ANKS1B: variants seen among roughly 807,000 people sequenced by gnomAD.
ANKS1B encodes ankyrin repeat and sterile alpha motif domain containing 1B.
In ANKS1B, 36 loss-of-function variants were observed where a neutral mutation model predicts 148.3. The observed-to-expected ratio is 0.24, with a 90% CI of 0.19 to 0.32. ANKS1B has a LOEUF of 0.32. Among genes scored for constraint, ANKS1B ranks in the 10% least tolerant of loss-of-function variants. The pLI is 1.00. For synonymous variants in ANKS1B, 542 were observed against 560.8 expected (o/e 0.97, Z 0.47); for missense variants, 1,157 against 1,542.6 (o/e 0.75, Z 4.19).
intron 1 of ANKS1B, among the ~76,000 whole-genome samples, chr12:99,979,285 A>G (rs1008501046): frequency 6.6e-6 from 1 of 152,134 alleles, no homozygotes; most frequent in South Asian, 2.1e-4. Context: ...GAAAAATGCT[A>G]ATGTCCTTTT....
chr12:99,237,514 T>C, intron 14 of ANKS1B, among the ~76,000 whole-genome samples: 1 of 152,090 alleles, frequency 6.6e-6, no homozygotes, highest in South Asian at 2.1e-4. Flanking sequence ...TAATACTTAG[T>C]AAGAGTAATA....
chr12:99,924,740 G>A (rs143257114), intron 1 of ANKS1B, among the ~76,000 whole-genome samples: 4 of 152,164 alleles, frequency 2.6e-5, no homozygotes, highest in South Asian at 4.2e-4. Context: ...ATCAGAGAGA[G>A]GGCCCTACCA....
intron 12 of ANKS1B, among the ~76,000 whole-genome samples, chr12:99,258,712 G>T (rs2075593874): frequency 6.7e-6 from 1 of 149,832 alleles, no homozygotes; most frequent in Non-Finnish European, 1.5e-5. Flanking sequence ...TCACTTTCCA[G>T]GTCACCTTCA....
intron 1 of ANKS1B, among the ~76,000 whole-genome samples, chr12:99,924,597 C>G (rs1042486231): frequency 1.3e-5 from 2 of 152,056 alleles, no homozygotes; most frequent in Admixed American, 6.6e-5. Context: ...AGAGGTGGAA[C>G]CTTTTGGGAA....
intron 14 of ANKS1B, chr12:99,155,063 T>A (rs984974146): frequency 8.5e-6 from 13 of 1,534,908 alleles, no homozygotes; most frequent in African/African-American, 1.4e-5. Context: ...TAAATCTGAA[T>A]TGAATCTTCA....
chr12:99,714,964 CA>C lies in ANKS1B; in HGVS notation c.1128+57957del, dbSNP rs34960410. ...TGAAATCCCATCTCTATTAAAAATA[CA>C]AAAAAAAAAAAAAATTAGCTGGGCA... On this transcript the variant is annotated intron_variant, in intron 8 of 26. Coordinates refer to ENST00000683438, the MANE Select transcript of ANKS1B (RefSeq NM_001352186.2). Among the ~76,000 whole-genome samples the C allele has an allele frequency of 8.7e-3, 1,080 of 124,210 alleles. 7 individuals carry two copies. The highest frequency in any genetic ancestry group is 0.024 in the African/African-American group (800 of 33,254). The allele number at this position is 124,210 out of a possible 152,430, so 81.5% of individuals were successfully genotyped here. A position where few individuals can be genotyped will look rare whatever the true frequency, so the allele number is the denominator to read the frequency against.
At chr12:99,826,957 A>G (rs1276781346) in intron 1 of ANKS1B, among the ~76,000 whole-genome samples, 1 of 152,066 alleles carries the variant, frequency 6.6e-6, no homozygotes, top group East Asian at 1.9e-4. Context: ...CTAAAAATAA[A>G]GAATAAAAAA....
At chr12:99,485,532 T>C (rs2096477232) in intron 10 of ANKS1B, among the ~76,000 whole-genome samples, 1 of 152,160 alleles carries the variant, frequency 6.6e-6, no homozygotes, top group African/African-American at 2.4e-5. Flanking sequence ...TTCTTGAATT[T>C]GATATCTAGA....
At chr12:99,592,257 T>A (rs116374236) in intron 9 of ANKS1B, among the ~76,000 whole-genome samples, 2,068 of 152,272 alleles carry the variant, frequency 0.014, 46 homozygotes, top group African/African-American at 0.045. Flanking sequence ...CTCTTTATTT[T>A]GCCAGCTACA....
intron 1 of ANKS1B, among the ~76,000 whole-genome samples, chr12:99,941,409 T>C (rs373500289): frequency 5.3e-5 from 8 of 151,770 alleles, no homozygotes; most frequent in African/African-American, 1.5e-4. Flanking sequence ...TATAGGAGTC[T>C]AGATCAAAGA....
At chr12:99,750,414 T>G (rs2060996561) in intron 8 of ANKS1B, among the ~76,000 whole-genome samples, 1 of 152,132 alleles carries the variant, frequency 6.6e-6, no homozygotes, top group Non-Finnish European at 1.5e-5. Flanking sequence ...ATGTTTATAC[T>G]ACTACCTATA....
At chr12:99,097,084 T>G (rs1026285959) in intron 15 of ANKS1B, 1 of 152,178 alleles carries the variant, frequency 6.6e-6, no homozygotes, top group African/African-American at 2.4e-5. Context: ...GTTTGCTAAG[T>G]GTTGAATAAA....
Position 99,896,417 on chromosome 12 carries a change from A to C in ANKS1B, c.135-71028T>G, listed in dbSNP as rs1003061819. ...CTCTACTTCCATTCATGTTGTTACA[A>C]ATGGCAGTAACTCCTTCTTTAAGGC... On this transcript the variant is annotated intron_variant, in intron 1 of 26. Transcript: ENST00000683438. Among the ~76,000 whole-genome samples, 19 of 151,256 alleles carry C rather than the reference A, an allele frequency of 1.3e-4. 1 individual carries two copies. Among genetic ancestry groups the C allele is most frequent in the African/African-American group, 4.4e-4 (18 of 41,336 alleles).
intron 9 of ANKS1B, among the ~76,000 whole-genome samples, chr12:99,510,978 G>A (rs2096759735): frequency 6.6e-6 from 1 of 151,896 alleles, no homozygotes; most frequent in Admixed American, 6.6e-5. Context: ...AACAAATATT[G>A]TTTGACTTCT....
intron 11 of ANKS1B, among the ~76,000 whole-genome samples, chr12:99,417,255 A>G (rs1187661536): frequency 6.6e-6 from 1 of 152,220 alleles, no homozygotes; most frequent in African/African-American, 2.4e-5. Flanking sequence ...ACTTAGGTCA[A>G]GTTTCAACTT....
At chr12:99,004,123 T>C (rs1291976246) in intron 17 of ANKS1B, among the ~76,000 whole-genome samples, 1 of 152,084 alleles carries the variant, frequency 6.6e-6, no homozygotes, top group Non-Finnish European at 1.5e-5. Flanking sequence ...AAAGAGTCAG[T>C]CAATTCTCAG....
intron 9 of ANKS1B, among the ~76,000 whole-genome samples, chr12:99,575,546 C>A (rs1264902948): frequency 1.3e-5 from 2 of 151,984 alleles, no homozygotes; most frequent in Non-Finnish European, 2.9e-5. Context: ...GGTGGAAGAA[C>A]AAGGGATGTC....
chr12:99,799,235 C>T (rs371658742), intron 4 of ANKS1B, among the ~76,000 whole-genome samples: 205 of 152,054 alleles, frequency 1.3e-3, no homozygotes, highest in African/African-American at 4.1e-3. Flanking sequence ...CTTTACAGAC[C>T]TTTTTCCAGA....
intron 17 of ANKS1B, among the ~76,000 whole-genome samples, chr12:98,923,767 C>A (rs1243010552): frequency 6.6e-6 from 1 of 152,160 alleles, no homozygotes; most frequent in African/African-American, 2.4e-5. Context: ...GTTTCAGCAT[C>A]AAAAGGAAGT....
Sources: allele counts gnomAD v4.1 joint callset (sites outside exome capture counted in the v4.1 genomes callset), GRCh38; gene constraint gnomAD v4.1.1; transcripts MANE v1.5; gene names NCBI Gene and HGNC (gene_info 2026-07-23, HGNC 2026-07-21).